DENND1A: variants seen among roughly 807,000 people sequenced by gnomAD.
DENND1A encodes DENN domain-containing protein 1A.
Under a neutral mutation model 113.7 loss-of-function variants are expected in DENND1A, and 51 were observed. The ratio of observed to expected loss-of-function variants is 0.45; its 90% CI spans 0.36 to 0.57. The LOEUF is 0.57. Among genes scored for constraint, DENND1A ranks in the 20% least tolerant of loss-of-function variants. DENND1A has a pLI of 0.00. For synonymous variants in DENND1A, 565 were observed against 570.8 expected, an observed-to-expected ratio of 0.99 and a Z score of 0.14; for missense variants, 1,258 against 1,395.9, an observed-to-expected ratio of 0.90 and a Z score of 1.57.
chr9:123,700,314 T>G (rs1245710167), intron 5 of DENND1A, among the ~76,000 whole-genome samples: 1 of 152,248 alleles, frequency 6.6e-6, no homozygotes, highest in Non-Finnish European at 1.5e-5. Flanking sequence ...TTGCATTGAC[T>G]CTATAGATCA....
chr9:123,383,696 G>A lies in DENND1A; in HGVS notation c.1978C>T (p.Pro660Ser), dbSNP rs375269403. Reference protein sequence around the residue: ...QAKSLEDLRAPKDLREQPGTF... With the variant: ...QAKSLEDLRASKDLREQPGTF... ...CCTGGCTGCTCCCTCAGGTCTTTGGGGGCACGAAGGTCCTCTAAGCTCTTG... is the reference window on the plus strand; with the variant it reads ...CCTGGCTGCTCCCTCAGGTCTTTGGAGGCACGAAGGTCCTCTAAGCTCTTG... The change falls in exon 23 of 24, where the codon CCC becomes TCC. Residue 660 changes from proline to serine, a missense_variant. By Grantham distance (74) the Pro-to-Ser change is moderately conservative. This residue lies in a region of DENND1A where 1,159 missense variants were observed against 1,231.7 expected (regional missense o/e 0.94). Coordinates refer to ENST00000394215, the MANE Select transcript of DENND1A (RefSeq NM_001352964.2). The A allele has an allele frequency of 1.2e-5, 19 of 1,613,960 alleles. No individual in the cohort carries two copies. The East Asian group carries it at 3.6e-4, about 30-fold the overall frequency.
At chr9:123,437,157 G>A (rs1222979926) in intron 19 of DENND1A, among the ~76,000 whole-genome samples, 2 of 152,172 alleles carry the variant, frequency 1.3e-5, no homozygotes, top group African/African-American at 2.4e-5. Flanking sequence ...CTGCTGGTCT[G>A]TCTCATCATT....
intron 11 of DENND1A, among the ~76,000 whole-genome samples, chr9:123,584,064 G>A (rs373898131): frequency 6.6e-6 from 1 of 152,256 alleles, no homozygotes; most frequent in African/African-American, 2.4e-5. Context: ...CTATTTATCC[G>A]CTACTAAGAT....
intron 11 of DENND1A, among the ~76,000 whole-genome samples, chr9:123,585,291 A>C (rs1365249167): frequency 6.6e-6 from 1 of 152,184 alleles, no homozygotes; most frequent in Non-Finnish European, 1.5e-5. Context: ...CCGATGTAGG[A>C]GTTTATTCTT....
chr9:123,720,086 T>C (rs1760054863), intron 5 of DENND1A, among the ~76,000 whole-genome samples: 2 of 152,220 alleles, frequency 1.3e-5, no homozygotes, highest in Non-Finnish European at 2.9e-5. Flanking sequence ...ATGGAAAATA[T>C]ACTCAATTAC....
At chr9:123,635,888 C>T (rs563541217) in intron 9 of DENND1A, among the ~76,000 whole-genome samples, 1 of 152,190 alleles carries the variant, frequency 6.6e-6, no homozygotes, top group Non-Finnish European at 1.5e-5. Flanking sequence ...CCTGGGCAAG[C>T]CACTTCCTTT....
chr9:123,839,388 A>C (rs1184905507), intron 2 of DENND1A, among the ~76,000 whole-genome samples: 2 of 152,170 alleles, frequency 1.3e-5, no homozygotes, highest in Non-Finnish European at 2.9e-5. Flanking sequence ...GTATTCAAAA[A>C]CGCCTTAACA....
At chr9:123,794,481 T>C (rs1175458116) in intron 2 of DENND1A, among the ~76,000 whole-genome samples, 2 of 152,224 alleles carry the variant, frequency 1.3e-5, no homozygotes, top group Admixed American at 1.3e-4. Flanking sequence ...TTAACACTTA[T>C]TCTTCAGCTA....
At chr9:123,788,636 T>G (rs1233576050) in intron 3 of DENND1A, among the ~76,000 whole-genome samples, 1 of 152,108 alleles carries the variant, frequency 6.6e-6, no homozygotes, top group Non-Finnish European at 1.5e-5. Context: ...TAATGTCTGA[T>G]TGACATGATA....
intron 13 of DENND1A, among the ~76,000 whole-genome samples, chr9:123,538,804 T>TCATA (rs1326378550): frequency 2.4e-4 from 7 of 28,912 alleles, no homozygotes; most frequent in South Asian, 2.3e-3. Context: ...AGGTGACAAC[T>TCATA]CATACATATA....
intron 5 of DENND1A, among the ~76,000 whole-genome samples, chr9:123,726,138 G>A (rs2067690785): frequency 6.6e-6 from 1 of 152,136 alleles, no homozygotes; most frequent in South Asian, 2.1e-4. Flanking sequence ...TCAAATATTT[G>A]TTGAATAAAA....
intron 5 of DENND1A, among the ~76,000 whole-genome samples, chr9:123,698,902 A>C (rs1439457929): frequency 6.6e-6 from 1 of 152,244 alleles, no homozygotes; most frequent in East Asian, 1.9e-4. Flanking sequence ...TGAAATGTAG[A>C]CAGTAATTTC....
intron 2 of DENND1A, among the ~76,000 whole-genome samples, chr9:123,859,926 T>G (rs1190815587): frequency 6.6e-6 from 1 of 152,108 alleles, no homozygotes; most frequent in Non-Finnish European, 1.5e-5. Flanking sequence ...TGAGCTTGAC[T>G]TTAGCTTGGG....
At chr9:123,739,029 A>C (rs954693583) in intron 5 of DENND1A, among the ~76,000 whole-genome samples, 13 of 152,204 alleles carry the variant, frequency 8.5e-5, no homozygotes, top group Admixed American at 7.9e-4. Context: ...TTTTAGATAG[A>C]ATGTCACATT....
chr9:123,838,172 T>G (rs1359267798), intron 2 of DENND1A, among the ~76,000 whole-genome samples: 2 of 152,260 alleles, frequency 1.3e-5, no homozygotes, highest in Admixed American at 1.3e-4. Context: ...TAGAATCGAA[T>G]CAACAATCCA....
At chr9:123,698,518 A>T (rs556268791) in intron 5 of DENND1A, among the ~76,000 whole-genome samples, 1 of 152,376 alleles carries the variant, frequency 6.6e-6, no homozygotes, top group African/African-American at 2.4e-5. Flanking sequence ...CTCTTCTCTC[A>T]GATGGAAAAG....
chr9:123,384,644 C>T (rs2042463384), intron 22 of DENND1A, among the ~76,000 whole-genome samples: 2 of 152,192 alleles, frequency 1.3e-5, no homozygotes. Context: ...TACTTTTACA[C>T]ATTCAAAACC....
At chr9:123,921,403 T>C (rs1194765523) in intron 1 of DENND1A, among the ~76,000 whole-genome samples, 2 of 152,208 alleles carry the variant, frequency 1.3e-5, no homozygotes, top group African/African-American at 4.8e-5. Context: ...AATGCTCACA[T>C]ACCCCTGGCT....
At chr9:123,668,909 A>G (rs1449703522) in intron 7 of DENND1A, among the ~76,000 whole-genome samples, 1 of 152,194 alleles carries the variant, frequency 6.6e-6, no homozygotes, top group East Asian at 1.9e-4. Context: ...CTTCTATACC[A>G]AAGGGCTAGA....
Sources: allele counts gnomAD v4.1 joint callset (sites outside exome capture counted in the v4.1 genomes callset), GRCh38; gene constraint gnomAD v4.1.1; regional missense constraint gnomAD v4.1.1; transcripts MANE v1.5; gene names NCBI Gene and HGNC (gene_info 2026-07-23, HGNC 2026-07-21).